Variants in ENOX2 observed in about 807,000 individuals in gnomAD.
ENOX2 encodes ecto-NOX disulfide-thiol exchanger 2, also known as APK1 antigen.
A neutral mutation model predicts 45.0 loss-of-function variants in ENOX2; 36 were observed. The observed-to-expected ratio is 0.80, with a 90% CI of 0.61 to 1.06. ENOX2 has a LOEUF of 1.06. ENOX2 is among the 50% of genes least tolerant of loss of function. The probability of loss-of-function intolerance (pLI) is 0.00; values close to 1 mark genes in which losing one functional copy is unlikely to be tolerated. For synonymous variants in ENOX2, 174 were observed against 152.3 expected, an observed-to-expected ratio of 1.14 and a Z score of -1.05; for missense variants, 423 against 462.5, an observed-to-expected ratio of 0.91 and a Z score of 0.78.
At chrX:130,633,601 T>C (rs994544960) in intron 12 of ENOX2, among the ~76,000 whole-genome samples, 2 of 112,842 alleles carry the variant, frequency 1.8e-5, no homozygotes, top group Non-Finnish European at 1.9e-5. Context: ...GTTTCTTCTA[T>C]GCCATTTGAC....
intron 2 of ENOX2, among the ~76,000 whole-genome samples, chrX:130,888,188 G>A (rs2078938882): frequency 8.9e-6 from 1 of 112,169 alleles, no homozygotes; most frequent in African/African-American, 3.2e-5. Context: ...TAAAATGAAG[G>A]TGAAAAGCCA....
rs187781146 is a variant in ENOX2, at chrX:130,699,576, G to C, written c.97+3544C>G. On this transcript the variant is annotated intron_variant, in intron 4 of 14. Transcript: ENST00000394363. ...AACAGCTCCATGAGGCTTATTTGCT[G>C]CCTTTTCCATTTTAAGAAATCTTGA... Among the ~76,000 whole-genome samples the C allele has an allele frequency of 1.1e-4, 12 of 111,505 alleles. No individual in the cohort carries two copies. The East Asian group carries it at 3.4e-3, about 31-fold the overall frequency.
At chrX:130,689,935 A>G (rs748024791) in intron 4 of ENOX2, among the ~76,000 whole-genome samples, 35 of 111,325 alleles carry the variant, frequency 3.1e-4, no homozygotes, top group African/African-American at 1.1e-3. Context: ...CCATGAAAGA[A>G]ATACCACACC....
At chrX:130,747,977 G>A (rs1167161635) in intron 3 of ENOX2, among the ~76,000 whole-genome samples, 1 of 112,285 alleles carries the variant, frequency 8.9e-6, no homozygotes, top group Non-Finnish European at 1.9e-5. Flanking sequence ...CAAATGTAGA[G>A]TTACATAGTT....
chrX:130,693,177 T>G (rs1413525529), intron 4 of ENOX2, among the ~76,000 whole-genome samples: 1 of 112,001 alleles, frequency 8.9e-6, no homozygotes, highest in Non-Finnish European at 1.9e-5. Context: ...CTATATCTAT[T>G]CATTCAATAT....
chrX:130,709,661 GAAAAGA>G (rs1324763394), intron 3 of ENOX2, among the ~76,000 whole-genome samples: 4 of 101,585 alleles, frequency 3.9e-5, no homozygotes, highest in African/African-American at 1.1e-4. Context: ...AAAAAGAAAA[GAAAAGA>G]AAAAGAAAAA....
chrX:130,726,159 C>T (rs1226589939), intron 3 of ENOX2, among the ~76,000 whole-genome samples: 3 of 112,308 alleles, frequency 2.7e-5, no homozygotes, highest in African/African-American at 9.7e-5. Flanking sequence ...TACATAGTAG[C>T]TCAGAGGCAG....
intron 3 of ENOX2, among the ~76,000 whole-genome samples, chrX:130,715,011 C>G (rs1415152052): frequency 3.6e-5 from 4 of 112,028 alleles, no homozygotes; most frequent in Non-Finnish European, 7.5e-5. Flanking sequence ...AGTCTAAAAC[C>G]TAGAATGCAA....
chrX:130,881,545 A>T (rs1173570540), intron 2 of ENOX2, among the ~76,000 whole-genome samples: 1 of 112,199 alleles, frequency 8.9e-6, no homozygotes. Context: ...ACGCTGTCAC[A>T]GGTAATTCCT....
intron 2 of ENOX2, among the ~76,000 whole-genome samples, chrX:130,810,965 C>T (rs1355793717): frequency 8.9e-6 from 1 of 112,171 alleles, no homozygotes; most frequent in Non-Finnish European, 1.9e-5. Flanking sequence ...GTCTCTGTTA[C>T]CCAAGGCTTC....
chrX:130,753,918 G>A (rs2039288700), intron 3 of ENOX2, among the ~76,000 whole-genome samples: 1 of 111,295 alleles, frequency 9.0e-6, no homozygotes, highest in Non-Finnish European at 1.9e-5. Flanking sequence ...TGGGGAGCAT[G>A]GGGAGAGGTT....
rs2036049855 is a variant in ENOX2 at position 130,640,464 on chromosome X, G to A, written c.1130-3054C>T. Among the ~76,000 whole-genome samples the A allele has an allele frequency of 2.7e-5, 3 of 112,165 alleles. No individual in the cohort carries two copies. The South Asian group carries it at 1.1e-3, about 42-fold the overall frequency. ...AGACACATGCATGAGTATGTTCACT[G>A]CAGCACTATTCACAATAGCAAAGAC... On this transcript the variant is annotated intron_variant, in intron 10 of 14. Coordinates refer to ENST00000394363, the MANE Select transcript of ENOX2 (RefSeq NM_006375.4).
At position 130,627,948 on chromosome X, in the gene ENOX2, C is replaced by T. The variant is rs757984882; in HGVS notation, c.1614+10G>A. The T allele has an allele frequency of 8.5e-7, 1 of 1,170,128 alleles. No homozygotes were observed. Among genetic ancestry groups the T allele is most frequent in the Admixed American group, 2.2e-5 (1 of 45,630 alleles). On this transcript the variant is annotated intron_variant, in intron 14 of 14. Coordinates refer to ENST00000394363, the MANE Select transcript of ENOX2 (RefSeq NM_006375.4). ...ATCCCCTTGCATCCCCATTTTAGGC[C>T]CCCATATACCTTATTATCAAGACGG... is the stretch of plus-strand genomic sequence containing the variant.
chrX:130,822,865 T>C (rs1407854571), intron 2 of ENOX2, among the ~76,000 whole-genome samples: 1 of 112,446 alleles, frequency 8.9e-6, no homozygotes, highest in East Asian at 2.8e-4. Flanking sequence ...TGTAGGCTAA[T>C]ATAAGTGTTC....
chrX:130,853,128 G>C (rs2078240857), intron 2 of ENOX2, among the ~76,000 whole-genome samples: 1 of 109,478 alleles, frequency 9.1e-6, no homozygotes, highest in Non-Finnish European at 1.9e-5. Flanking sequence ...CCAGGTATTG[G>C]TAAAACCAGC....
chrX:130,727,054 A>G (rs763408107), intron 3 of ENOX2, among the ~76,000 whole-genome samples: 2 of 112,342 alleles, frequency 1.8e-5, no homozygotes, highest in South Asian at 7.4e-4. Flanking sequence ...AGGGAAGACA[A>G]CAGGAATAAG....
intron 3 of ENOX2, among the ~76,000 whole-genome samples, chrX:130,741,732 C>T (rs1364569863): frequency 9.0e-6 from 1 of 111,171 alleles, no homozygotes; most frequent in African/African-American, 3.3e-5. Context: ...CCAGGGACAT[C>T]GCTGTAATTA....
At chrX:130,680,027 G>A (rs1015051677) in intron 5 of ENOX2, among the ~76,000 whole-genome samples, 3 of 111,963 alleles carry the variant, frequency 2.7e-5, no homozygotes, top group Non-Finnish European at 3.8e-5. Flanking sequence ...CGTTACTTTT[G>A]TTGTGACAAT....
chrX:130,827,383 C>T (rs1777877706), intron 2 of ENOX2, among the ~76,000 whole-genome samples: 1 of 111,911 alleles, frequency 8.9e-6, no homozygotes, highest in Non-Finnish European at 1.9e-5. Context: ...TACTCATTCT[C>T]TAAAAGCCTC....
Sources: allele counts gnomAD v4.1 joint callset (sites outside exome capture counted in the v4.1 genomes callset), GRCh38; gene constraint gnomAD v4.1.1; transcripts MANE v1.5; gene names NCBI Gene and HGNC (gene_info 2026-07-23, HGNC 2026-07-21).